Variants in FOXN3 observed in about 807,000 individuals in gnomAD.
The protein encoded by FOXN3 is forkhead box protein N3.
Under a neutral mutation model 38.4 loss-of-function variants are expected in FOXN3, and 7 were observed. The ratio of observed to expected loss-of-function variants is 0.18; its 90% CI spans 0.10 to 0.34. The LOEUF (loss-of-function observed/expected upper bound fraction) is 0.34, where lower values mean the gene tolerates loss of function less well. FOXN3 is among the 10% of genes least tolerant of loss of function. The pLI is 1.00. For missense variants in FOXN3, 456 were observed against 613.4 expected, an observed-to-expected ratio of 0.74 and a Z score of 2.71; for synonymous variants, 230 against 242.2, an observed-to-expected ratio of 0.95 and a Z score of 0.47.
At chr14:89,567,003 G>A (rs2139888228) in intron 1 of FOXN3, among the ~76,000 whole-genome samples, 1 of 152,200 alleles carries the variant, frequency 6.6e-6, no homozygotes, top group Non-Finnish European at 1.5e-5. Flanking sequence ...AGAAAGAAAA[G>A]ACAGGTGTGT....
At chr14:89,421,043 T>TG (rs1338114835), upstream of FOXN3, among the ~76,000 whole-genome samples, 2 of 151,626 alleles carry the variant, frequency 1.3e-5, no homozygotes, top group Non-Finnish European at 2.9e-5. Flanking sequence ...AAAAAAAAAT[T>TG]GGGGAAAAAA....
At chr14:89,453,147 C>A (rs1057357675) in intron 1 of FOXN3, among the ~76,000 whole-genome samples, 1 of 151,768 alleles carries the variant, frequency 6.6e-6, no homozygotes, top group South Asian at 2.1e-4. Context: ...TGCAGCGAGC[C>A]GAGACGGCGC....
intron 1 of FOXN3, among the ~76,000 whole-genome samples, chr14:89,612,818 C>A (rs1270611603): frequency 1.3e-5 from 2 of 149,994 alleles, no homozygotes; most frequent in African/African-American, 4.9e-5. Context: ...CAGAGTGAGA[C>A]CCTGCTTAAA....
intron 4 of FOXN3, among the ~76,000 whole-genome samples, chr14:89,251,130 T>C (rs1885441542): frequency 6.6e-6 from 1 of 152,212 alleles, no homozygotes; most frequent in Admixed American, 6.5e-5. Flanking sequence ...GCTTTGTGTT[T>C]TTTCTAACAA....
chr14:89,489,739 A>T (rs567748560), intron 1 of FOXN3, among the ~76,000 whole-genome samples: 1 of 152,322 alleles, frequency 6.6e-6, no homozygotes, highest in South Asian at 2.1e-4. Flanking sequence ...CCAAAACCTG[A>T]ATTGCGCTTT....
chr14:89,227,342 G>A (rs1011429710), intron 4 of FOXN3, among the ~76,000 whole-genome samples: 5 of 152,096 alleles, frequency 3.3e-5, no homozygotes, highest in East Asian at 3.8e-4. Context: ...TGTTCACAGC[G>A]GATCTCCTTC....
intron 3 of FOXN3, among the ~76,000 whole-genome samples, chr14:89,315,873 A>G (rs1449912808): frequency 6.6e-6 from 1 of 152,144 alleles, no homozygotes; most frequent in African/African-American, 2.4e-5. Context: ...GTGGGGCTAA[A>G]GGGGCCCATG....
intron 3 of FOXN3, among the ~76,000 whole-genome samples, chr14:89,301,082 C>A (rs1887203259): frequency 1.3e-5 from 2 of 152,132 alleles, no homozygotes; most frequent in Non-Finnish European, 2.9e-5. Flanking sequence ...GGATTACAGG[C>A]ATGAGCCACT....
At chr14:89,440,868 A>T (rs1439460394) in intron 1 of FOXN3, among the ~76,000 whole-genome samples, 1 of 152,206 alleles carries the variant, frequency 6.6e-6, no homozygotes, top group Non-Finnish European at 1.5e-5. Context: ...GGGACTCTGC[A>T]GTGGGTTAGT....
chr14:89,384,134 G>A (rs1213510425), intron 2 of FOXN3, among the ~76,000 whole-genome samples: 1 of 152,150 alleles, frequency 6.6e-6, no homozygotes, highest in East Asian at 1.9e-4. Context: ...ATGTTAAACA[G>A]ACTTCTTCTC....
intron 2 of FOXN3, among the ~76,000 whole-genome samples, chr14:89,411,596 T>C (rs1471519627): frequency 6.6e-6 from 1 of 152,212 alleles, no homozygotes; most frequent in East Asian, 1.9e-4. Flanking sequence ...TGGCTGTCCT[T>C]GGAATACTGA....
At chr14:89,408,957 T>C (rs1266349731) in intron 2 of FOXN3, among the ~76,000 whole-genome samples, 4 of 152,098 alleles carry the variant, frequency 2.6e-5, no homozygotes, top group Non-Finnish European at 5.9e-5. Context: ...AATGCCATAG[T>C]AGCATACCCC....
At chr14:89,429,529 T>C (rs1051710334) in intron 1 of FOXN3, among the ~76,000 whole-genome samples, 2 of 147,288 alleles carry the variant, frequency 1.4e-5, no homozygotes, top group Non-Finnish European at 3.0e-5. Flanking sequence ...CAGACACAAC[T>C]GATTTTTTTT....
At chr14:89,311,268 C>T (rs111385313) in intron 3 of FOXN3, among the ~76,000 whole-genome samples, 21,631 of 148,104 alleles carry the variant, frequency 0.15, 1,737 homozygotes, top group East Asian at 0.22. Context: ...GTCAGGAGTT[C>T]GAGACCAGCC....
chr14:89,269,054 A>G (rs75858803), intron 4 of FOXN3, among the ~76,000 whole-genome samples: 2,647 of 152,302 alleles, frequency 0.017, 24 homozygotes, highest in Non-Finnish European at 0.028. Context: ...TCTTATCACA[A>G]TATCCTCACA....
chr14:89,411,549 G>A (rs1353110012), intron 2 of FOXN3, among the ~76,000 whole-genome samples: 1 of 152,170 alleles, frequency 6.6e-6, no homozygotes, highest in Non-Finnish European at 1.5e-5. Flanking sequence ...CTAGCCCATG[G>A]TGGCAGTGTA....
At chr14:89,245,946 T>C (rs903541293) in intron 4 of FOXN3, among the ~76,000 whole-genome samples, 14 of 152,124 alleles carry the variant, frequency 9.2e-5, no homozygotes, top group African/African-American at 2.9e-4. Context: ...CTGAGAATCA[T>C]TGCTCACTTT....
chr14:89,608,572 A>T (rs144793389), intron 1 of FOXN3, among the ~76,000 whole-genome samples: 21 of 152,378 alleles, frequency 1.4e-4, no homozygotes, highest in African/African-American at 5.0e-4. Flanking sequence ...TTATAAAACC[A>T]CAGACTTCAA....
At chr14:89,330,837 T>G (rs149729049) in intron 3 of FOXN3, among the ~76,000 whole-genome samples, 1 of 152,126 alleles carries the variant, frequency 6.6e-6, no homozygotes, top group Non-Finnish European at 1.5e-5. Flanking sequence ...AGGCCACACT[T>G]GGCCACAGTC....
Sources: gnomAD v4.1 joint callset for allele counts (sites outside exome capture counted in the v4.1 genomes callset) on GRCh38, gnomAD v4.1.1 for gene constraint, MANE v1.5 for transcripts, NCBI Gene and HGNC (gene_info 2026-07-23, HGNC 2026-07-21) for gene names.